The following KCTD1 variants were observed in gnomAD, a reference collection of about 807,000 sequenced individuals.
The protein encoded by KCTD1 is BTB/POZ domain-containing protein KCTD1.
In KCTD1, 24 loss-of-function variants were observed where a neutral mutation model predicts 66.0. That is an observed-to-expected ratio of 0.36 (90% CI 0.26 to 0.51). The LOEUF (loss-of-function observed/expected upper bound fraction) is 0.51, where lower values mean the gene tolerates loss of function less well. Among genes scored for constraint, KCTD1 ranks in the 20% least tolerant of loss-of-function variants. KCTD1 has a pLI of 0.95. For synonymous variants in KCTD1, 511 were observed against 517.2 expected, an observed-to-expected ratio of 0.99 and a Z score of 0.16; for missense variants, 943 against 1,205.2, an observed-to-expected ratio of 0.78 and a Z score of 3.22.
At chr18:26,475,203 C>T (rs1981277412) in intron 3 of KCTD1, among the ~76,000 whole-genome samples, 1 of 152,212 alleles carries the variant, frequency 6.6e-6, no homozygotes, top group Non-Finnish European at 1.5e-5. Flanking sequence ...CCTTTACCAT[C>T]ATTACTATGA....
chr18:26,471,049 G>C (rs1262206364), intron 3 of KCTD1, among the ~76,000 whole-genome samples: 3 of 152,058 alleles, frequency 2.0e-5, no homozygotes, highest in Non-Finnish European at 4.4e-5. Context: ...AATGGAAGAA[G>C]CCATGGCTGC....
At chr18:26,655,463 C>G (rs1185303238) in intron 1 of KCTD1, among the ~76,000 whole-genome samples, 1 of 152,182 alleles carries the variant, frequency 6.6e-6, no homozygotes, top group African/African-American at 2.4e-5. Context: ...GACACACACA[C>G]GCACACATAC....
chr18:26,503,259 G>A (rs989945057), intron 1 of KCTD1, among the ~76,000 whole-genome samples: 2 of 152,062 alleles, frequency 1.3e-5, no homozygotes, highest in Admixed American at 1.3e-4. Context: ...ACAACAGGAT[G>A]TTTGTAACAC....
rs1985367373 is a variant in KCTD1, at chr18:26,548,339, G to T, written c.198C>A (p.Ile66=). 6.7e-7 allele frequency: 1 copy of T among 1,489,164 alleles called. No homozygotes were observed. Among genetic ancestry groups the T allele is most frequent in the Non-Finnish European group, 8.9e-7 (1 of 1,121,094 alleles). The allele number at this position is 1,489,164 out of a possible 1,614,324, so 92.2% of individuals were successfully genotyped here. A position where few individuals can be genotyped will look rare whatever the true frequency, so the allele number is the denominator to read the frequency against. The stretch of plus-strand genomic sequence containing the variant: ...CGTCCCCCGTTATCTGCACCTCCTG[G>T]ATCTCGTCCTCCTCCTCCTCTTCCT... ...EEEEEEEEDE[I]QEVQITGDEE... is the part of the protein sequence containing the mutation. Residue 66 remains isoleucine (I), a synonymous_variant, in exon 1 of 5, where the codon ATC becomes ATA. Coordinates refer to ENST00000580059, the MANE Select transcript of KCTD1 (RefSeq NM_001142730.3).
chr18:26,610,583 GAGAGAGAA>G (rs1568008821), intron 1 of KCTD1, among the ~76,000 whole-genome samples: 1 of 147,554 alleles, frequency 6.8e-6, no homozygotes, highest in African/African-American at 2.5e-5. Context: ...GAAAGAGAGA[GAGAGAGAA>G]AGAAAGGAAG....
At chr18:26,647,552 A>AAAAAAAAAAAAAAAC (rs1987954043) in intron 1 of KCTD1, among the ~76,000 whole-genome samples, 1 of 129,656 alleles carries the variant, frequency 7.7e-6, no homozygotes, top group Non-Finnish European at 1.6e-5. Flanking sequence ...AAAAAAAAAA[A>AAAAAAAAAAAAAAAC]AAGGGCTGAA....
chr18:26,512,466 T>C (rs942368713), intron 1 of KCTD1, among the ~76,000 whole-genome samples: 6 of 152,080 alleles, frequency 3.9e-5, no homozygotes, highest in African/African-American at 1.2e-4. Context: ...AAAATTAAAA[T>C]GCACAGGTTT....
intron 1 of KCTD1, among the ~76,000 whole-genome samples, chr18:26,505,411 G>A (rs1221302033): frequency 5.3e-5 from 8 of 152,240 alleles, no homozygotes; most frequent in Non-Finnish European, 1.2e-4. Flanking sequence ...CGATTTCTGC[G>A]CATTGCTCAG....
intron 3 of KCTD1, among the ~76,000 whole-genome samples, chr18:26,473,704 T>A (rs910109441): frequency 6.6e-6 from 1 of 152,114 alleles, no homozygotes; most frequent in Non-Finnish European, 1.5e-5. Flanking sequence ...CAAACCCCCA[T>A]GTCTTCAAAC....
chr18:26,593,250 C>G (rs1051982168), intron 1 of KCTD1, among the ~76,000 whole-genome samples: 11 of 151,316 alleles, frequency 7.3e-5, no homozygotes, highest in Admixed American at 7.3e-4. Context: ...GTTTCTGAAG[C>G]TTCTCATAAG....
chr18:26,556,718 C>T (rs1333185647), intron 1 of KCTD1, among the ~76,000 whole-genome samples: 1 of 152,100 alleles, frequency 6.6e-6, no homozygotes, highest in Non-Finnish European at 1.5e-5. Flanking sequence ...TGTTCCTATT[C>T]CTATTTCACA....
At chr18:26,605,789 G>A (rs1438260292) in intron 1 of KCTD1, among the ~76,000 whole-genome samples, 1 of 141,762 alleles carries the variant, frequency 7.1e-6, no homozygotes, top group Non-Finnish European at 1.5e-5. Context: ...CTTAGTAACT[G>A]TGGTAGATCG....
At chr18:26,607,931 C>A (rs892415898) in intron 1 of KCTD1, among the ~76,000 whole-genome samples, 14 of 152,074 alleles carry the variant, frequency 9.2e-5, no homozygotes, top group Non-Finnish European at 1.5e-4. Context: ...CCATACCTGG[C>A]TAATTTTTAA....
chr18:26,597,707 G>A (rs1328009824), intron 1 of KCTD1, among the ~76,000 whole-genome samples: 1 of 146,868 alleles, frequency 6.8e-6, no homozygotes, highest in Non-Finnish European at 1.5e-5. Flanking sequence ...AGGCTGGAGT[G>A]CAATGGCACG....
chr18:26,483,231 T>C (rs966903642), intron 2 of KCTD1, among the ~76,000 whole-genome samples: 1 of 152,186 alleles, frequency 6.6e-6, no homozygotes, highest in Admixed American at 6.5e-5. Context: ...GGGAATTAAT[T>C]TTAAAAAATC....
At position 26,455,208 on chromosome 18, in the gene KCTD1, GA is replaced by G. The variant is rs1283461723; in HGVS notation, c.*534del. On this transcript the variant is annotated 3_prime_UTR_variant, in exon 5 of 5. Coordinates refer to ENST00000580059, the MANE Select transcript of KCTD1 (RefSeq NM_001142730.3). The stretch of plus-strand genomic sequence containing the variant: ...TCTAACATCTTTGCAATGTGCTCAT[GA>G]GGGTTTTTCTGAAGTCCTGCCTGGT... 6.5e-6 allele frequency: 1 copy of G among 152,736 alleles called. No homozygotes were observed. Among genetic ancestry groups the G allele is most frequent in the African/African-American group, 2.4e-5 (1 of 41,444 alleles). The allele number at this position is 152,736 out of a possible 1,614,324, so 9.5% of individuals were successfully genotyped here. A position where few individuals can be genotyped will look rare whatever the true frequency, so the allele number is the denominator to read the frequency against.
intron 1 of KCTD1, among the ~76,000 whole-genome samples, chr18:26,571,972 C>T (rs1347677759): frequency 1.3e-5 from 2 of 151,720 alleles, no homozygotes; most frequent in African/African-American, 2.4e-5. Context: ...TGAGATAGTA[C>T]ATGATACTTA....
At position 26,455,921 on chromosome 18, in the gene KCTD1, G is replaced by A. The variant is rs1980060699; in HGVS notation, c.2440-20C>T. 1 of 1,609,720 alleles carries A rather than the reference G, an allele frequency of 6.2e-7. No individual in the cohort carries two copies. The highest frequency in any genetic ancestry group is 2.2e-5 in the East Asian group (1 of 44,790). On this transcript the variant is annotated intron_variant, in intron 4 of 4. Transcript: ENST00000580059. ...GAGGACCTGCGAGGGAACAAGACAA[G>A]CATCCAGTTAGGGGTGAGGTAAGTC... is the stretch of plus-strand genomic sequence containing the variant.
At chr18:26,527,494 G>A (rs528615819) in intron 1 of KCTD1, among the ~76,000 whole-genome samples, 3 of 124,302 alleles carry the variant, frequency 2.4e-5, no homozygotes, top group Admixed American at 7.5e-5. Context: ...AAAAAAAAAG[G>A]GGGGGGGGCG....
Sources: gnomAD v4.1 joint callset for allele counts (sites outside exome capture counted in the v4.1 genomes callset) on GRCh38, gnomAD v4.1.1 for gene constraint, MANE v1.5 for transcripts, NCBI Gene and HGNC (gene_info 2026-07-23, HGNC 2026-07-21) for gene names.